Variants in MROH9 observed in about 807,000 individuals in gnomAD.
MROH9 encodes maestro heat like repeat family member 9.
Under a neutral mutation model 98.2 loss-of-function variants are expected in MROH9, and 92 were observed. The observed-to-expected ratio is 0.94, with a 90% CI of 0.79 to 1.11. MROH9 has a LOEUF of 1.11. MROH9 is among the 50% of genes most tolerant of loss of function. The pLI, the probability that MROH9 is intolerant of heterozygous loss-of-function variation, is 0.00. For missense variants in MROH9, 1,057 were observed against 1,014.8 expected (o/e 1.04, Z -0.57); for synonymous variants, 397 against 368.9 (o/e 1.08, Z -0.87).
In MROH9 at chr1:171,064,307, C is replaced by G. The variant is rs776680834; in HGVS notation, c.2553C>G (p.Asp851Glu). 1 of 1,544,810 alleles carries G rather than the reference C, an allele frequency of 6.5e-7. No homozygotes were observed. The highest frequency in any genetic ancestry group is 8.7e-7 in the Non-Finnish European group (1 of 1,145,218). Residue 851 changes from aspartate to glutamate, a missense_variant, in exon 22 of 22, where the codon GAC becomes GAG. Transcript: ENST00000367759. ...SPNGQIDSPT[D>E]SKDVKNDKAL is the part of the protein sequence containing the mutation. ...ATGGCCAGATAGACAGTCCTACAGA[C>G]AGTAAAGATGTCAAGAATGATAAGG...
chr1:171,061,821 A>T (rs1654024672), intron 20 of MROH9, among the ~76,000 whole-genome samples: 1 of 152,208 alleles, frequency 6.6e-6, no homozygotes, highest in South Asian at 2.1e-4. Flanking sequence ...GGAGGAGGAG[A>T]CTGGGAGAGC....
rs1654100883 is a variant in MROH9 at position 171,064,227 on chromosome 1, C to A, written c.2473C>A (p.Leu825Ile). The A allele has an allele frequency of 6.4e-7, 1 of 1,551,368 alleles. No homozygotes were observed. Among genetic ancestry groups the A allele is most frequent in the Admixed American group, 2.0e-5 (1 of 50,974 alleles). ...TCTTAAACAAAACTTCCAAAAATTG[C>A]TTAAATTATTCTACATCAAAAAATT... is the stretch of plus-strand genomic sequence containing the variant. ...APLKQNFQKL[L>I]KLFYIKKLKP... Residue 825 changes from leucine to isoleucine, a missense_variant, in exon 22 of 22, where the codon CTT becomes ATT. By Grantham distance (5) the Leu-to-Ile change is conservative. Coordinates refer to ENST00000367759, the MANE Select transcript of MROH9 (RefSeq NM_001163629.2).
At chr1:171,005,282 G>A (rs1022846139) in intron 15 of MROH9, among the ~76,000 whole-genome samples, 1 of 152,076 alleles carries the variant, frequency 6.6e-6, no homozygotes, top group African/African-American at 2.4e-5. Flanking sequence ...TGTTACCCAG[G>A]TTGATCTCAA....
chr1:171,049,320 C>T (rs1050435673), intron 20 of MROH9, among the ~76,000 whole-genome samples: 10 of 152,100 alleles, frequency 6.6e-5, no homozygotes, highest in Non-Finnish European at 1.5e-4. Context: ...CTACCCCCAC[C>T]CCCAGCCCCA....
intron 3 of MROH9, among the ~76,000 whole-genome samples, chr1:170,957,409 A>G (rs1445145656): frequency 6.6e-6 from 1 of 152,194 alleles, no homozygotes; most frequent in Non-Finnish European, 1.5e-5. Flanking sequence ...TTTTCCCAAC[A>G]TCATTTATTG....
At position 171,044,044 on chromosome 1, in the gene MROH9, C is replaced by A. The variant is rs1571163606; in HGVS notation, c.2282-18088C>A. On this transcript the variant is annotated intron_variant, in intron 20 of 21. Coordinates refer to ENST00000367759, the MANE Select transcript of MROH9 (RefSeq NM_001163629.2). ...TGACAGTGGACATTCTTGTCATGTT[C>A]CAGATTTTAGAGAAAAGGCTTTCAG... 2.0e-5 allele frequency among the ~76,000 whole-genome samples: 3 copies of A among 152,066 alleles called. No homozygotes were observed. In the East Asian group the frequency reaches 5.8e-4, roughly 29 times the overall value.
intron 20 of MROH9, among the ~76,000 whole-genome samples, chr1:171,052,750 A>T (rs1653710429): frequency 6.6e-6 from 1 of 152,142 alleles, no homozygotes; most frequent in Non-Finnish European, 1.5e-5. Flanking sequence ...CTGGGCATGG[A>T]GCAAAGAAAG....
At chr1:170,939,837 C>T (rs1438729827) in intron 1 of MROH9, among the ~76,000 whole-genome samples, 1 of 152,176 alleles carries the variant, frequency 6.6e-6, no homozygotes, top group Non-Finnish European at 1.5e-5. Flanking sequence ...CAAAAGAAGA[C>T]TAACTATCTG....
intron 1 of MROH9, among the ~76,000 whole-genome samples, chr1:170,941,990 C>G (rs575116801): frequency 6.6e-6 from 1 of 152,284 alleles, no homozygotes; most frequent in South Asian, 2.1e-4. Context: ...GTAGTTAGAG[C>G]CATTTCCAAC....
intron 3 of MROH9, among the ~76,000 whole-genome samples, chr1:170,950,408 G>A (rs1404255639): frequency 6.6e-6 from 1 of 152,078 alleles, no homozygotes; most frequent in African/African-American, 2.4e-5. Context: ...CAAGGGAGTT[G>A]GCAGAGAAGA....
At chr1:171,035,595 C>A (rs569804710) in intron 20 of MROH9, among the ~76,000 whole-genome samples, 8 of 151,808 alleles carry the variant, frequency 5.3e-5, no homozygotes, top group Non-Finnish European at 1.0e-4. Context: ...AAGAAAAAAA[C>A]CACCTAATAG....
Position 171,007,849 on chromosome 1 carries a change from G to A in MROH9, c.1597-6268G>A, listed in dbSNP as rs1315022055. On this transcript the variant is annotated intron_variant, in intron 15 of 21. Coordinates refer to ENST00000367759, the MANE Select transcript of MROH9 (RefSeq NM_001163629.2). Reference sequence around the variant, plus strand: ...AGAACCAACACCAAATGTAGCTGTAGCCAAGTCTGCAGAGAGACCGGGTCA... The same window carrying A: ...AGAACCAACACCAAATGTAGCTGTAACCAAGTCTGCAGAGAGACCGGGTCA... 2.6e-5 allele frequency among the ~76,000 whole-genome samples: 4 copies of A among 152,254 alleles called. No individual in the cohort carries two copies. The South Asian group carries it at 8.3e-4, about 32-fold the overall frequency.
In MROH9 at chr1:171,044,972, CTTTTTTTTTTTTTTTTTTTTTT is replaced by C. The variant is rs754332732; in HGVS notation, c.2282-17134_2282-17113del. ...CAATTCCATTTATTTCTGCTCTGAT[CTTTTTTTTTTTTTTTTTTTTTT>C]TTTTTTTTTTTTTTTTTTTTTTTTT... On this transcript the variant is annotated intron_variant, in intron 20 of 21. Transcript: ENST00000367759. Among the ~76,000 whole-genome samples the C allele has an allele frequency of 3.7e-3, 171 of 45,698 alleles. 9 individuals are homozygous for C. The highest frequency in any genetic ancestry group is 9.2e-3 in the African/African-American group (134 of 14,512). The allele number at this position is 45,698 out of a possible 152,430, so 30.0% of individuals were successfully genotyped here. A position where few individuals can be genotyped will look rare whatever the true frequency, so the allele number is the denominator to read the frequency against.
At chr1:171,054,246 G>C (rs68124716) in intron 20 of MROH9, among the ~76,000 whole-genome samples, 22,315 of 152,136 alleles carry the variant, frequency 0.15, 1,956 homozygotes, top group African/African-American at 0.24. Flanking sequence ...GCCAACTGAT[G>C]TTCGACAAAG....
At chr1:171,010,001 A>C (rs1309262845) in intron 15 of MROH9, among the ~76,000 whole-genome samples, 1 of 152,136 alleles carries the variant, frequency 6.6e-6, no homozygotes, top group Admixed American at 6.5e-5. Flanking sequence ...CAGAATGTGC[A>C]GTTTTGTTAC....
At chr1:170,937,139 T>C (rs184747291) in intron 1 of MROH9, among the ~76,000 whole-genome samples, 3 of 152,324 alleles carry the variant, frequency 2.0e-5, no homozygotes, top group East Asian at 3.9e-4. Flanking sequence ...CTCTGGGGAA[T>C]TGGGTTTTCT....
chr1:171,013,490 A>G (rs1002324084), intron 15 of MROH9, among the ~76,000 whole-genome samples: 2 of 152,034 alleles, frequency 1.3e-5, no homozygotes, highest in African/African-American at 2.4e-5. Context: ...CCATTCTTGG[A>G]AAAAAAATGT....
chr1:170,978,753 G>A (rs569908692), intron 8 of MROH9, among the ~76,000 whole-genome samples: 47 of 152,296 alleles, frequency 3.1e-4, no homozygotes, highest in Admixed American at 1.4e-3. Context: ...AAGAGGCCCT[G>A]TCTGGTGAGG....
chr1:170,958,462 C>A lies in MROH9; in HGVS notation c.74C>A (p.Ala25Glu). The A allele has an allele frequency of 1.3e-6, 2 of 1,540,966 alleles. No homozygotes were observed. The highest frequency in any genetic ancestry group is 1.8e-6 in the Non-Finnish European group (2 of 1,128,972). The change falls in exon 4 of 22, where the codon GCA becomes GAA. Residue 25 changes from alanine to glutamate, a missense_variant and splice_region_variant. Physicochemically the swap from Ala to Glu is moderately radical, Grantham distance 107 (BLOSUM62 -1). Coordinates refer to ENST00000367759, the MANE Select transcript of MROH9 (RefSeq NM_001163629.2). ...TTTTTTTTTTAACATGGTACTTAGG[C>A]ACATAAAGTTAACAGCCTATTGGAT... ...LQDSVKWHHMAHKVNSLLDAY... is the reference protein window; with the variant it reads ...LQDSVKWHHMEHKVNSLLDAY...
Sources: gnomAD v4.1 joint callset for allele counts (sites outside exome capture counted in the v4.1 genomes callset) on GRCh38, gnomAD v4.1.1 for gene constraint, MANE v1.5 for transcripts, NCBI Gene and HGNC (gene_info 2026-07-23, HGNC 2026-07-21) for gene names.